The following CCT4 variants were observed in gnomAD, a reference collection of about 807,000 sequenced individuals.
CCT4 encodes the protein T-complex protein 1 subunit delta.
In CCT4, 17 loss-of-function variants were observed where a neutral mutation model predicts 62.5. The ratio of observed to expected loss-of-function variants is 0.27; its 90% CI spans 0.19 to 0.41. The LOEUF is 0.41. CCT4 is among the 10% of genes least tolerant of loss of function. The pLI is 1.00. For missense variants in CCT4, 592 were observed against 659.2 expected (o/e 0.90, Z 1.12); for synonymous variants, 250 against 229.9 (o/e 1.09, Z -0.79).
chr2:61,886,659 G>A (rs997675284), intron 1 of CCT4, among the ~76,000 whole-genome samples: 1 of 151,908 alleles, frequency 6.6e-6, no homozygotes, highest in Non-Finnish European at 1.5e-5. Context: ...CTCCTCTGTT[G>A]TTTCAGTTCT....
At position 61,876,967 on chromosome 2, in the gene CCT4, C is replaced by A; in HGVS notation, c.730G>T (p.Ala244Ser). 1 of 1,613,786 alleles carries A rather than the reference C, an allele frequency of 6.2e-7. No individual in the cohort carries two copies. The highest frequency in any genetic ancestry group is 2.2e-5 in the East Asian group (1 of 44,866). The change falls in exon 7 of 14, where the codon GCC becomes TCC. Residue 244 changes from alanine to serine, a missense_variant. This residue lies in a region of CCT4 where 522 missense variants were observed against 571.2 expected (regional missense o/e 0.91). Coordinates refer to ENST00000394440, the MANE Select transcript of CCT4 (RefSeq NM_006430.4). ...SNSGITRVEK[A>S]KIGLIQFCLS... Reference sequence around the variant, plus strand: ...CAAAACTGAATAAGCCCAATCTTGGCCTTTTCAACTCTGGTTATGCCAGAA... The same window carrying A: ...CAAAACTGAATAAGCCCAATCTTGGACTTTTCAACTCTGGTTATGCCAGAA...
intron 10 of CCT4, 124 bp downstream of exon 10, chr2:61,872,878 G>A: frequency 2.8e-6 from 2 of 711,276 alleles, no homozygotes; most frequent in Non-Finnish European, 2.5e-6. Flanking sequence ...AGTGAGCCAA[G>A]ATCATGCCAC....
In CCT4 at chr2:61,869,657, C is replaced by T. The variant is rs61675069; in HGVS notation, c.1492-104G>A. The T allele has an allele frequency of 6.4e-3, 2,908 of 452,704 alleles. 55 individuals are homozygous for T. The highest frequency in any genetic ancestry group is 0.05 in the African/African-American group (2,490 of 49,970). 28.0% of individuals were successfully genotyped at this position (452,704 alleles called of 1,614,324 possible). ...TCAAGACCTAAATCTAGTTTTCTTT[C>T]TGTCTAAGAAGATTAGAATATGATA... On this transcript the variant is annotated intron_variant, in intron 12 of 13. Transcript: ENST00000394440.
chr2:61,884,987 C>T, intron 2 of CCT4, 33 bp downstream of exon 2: 1 of 1,525,746 alleles, frequency 6.6e-7, no homozygotes, highest in Non-Finnish European at 8.9e-7. Context: ...CAGCAGTGCT[C>T]AATTAGTAGT....
intron 4 of CCT4, among the ~76,000 whole-genome samples, chr2:61,879,387 G>A (rs891213694): frequency 1.4e-5 from 2 of 144,550 alleles, no homozygotes; most frequent in African/African-American, 5.1e-5. Flanking sequence ...TCAGCCTCCT[G>A]AGTAGCTGGG....
chr2:61,887,704 G>A (rs1397429694), intron 1 of CCT4, among the ~76,000 whole-genome samples: 1 of 152,218 alleles, frequency 6.6e-6, no homozygotes, highest in Non-Finnish European at 1.5e-5. Context: ...AAGACATGAA[G>A]TAACGGAAGC....
At chr2:61,883,777 C>G (rs57275292) in intron 2 of CCT4, among the ~76,000 whole-genome samples, 7,352 of 28,932 alleles carry the variant, frequency 0.25, 450 homozygotes, top group East Asian at 0.53. Flanking sequence ...AATGTAGACA[C>G]ACACACACAC....
chr2:61,884,639 T>A (rs79089795), intron 2 of CCT4, among the ~76,000 whole-genome samples: 25,933 of 151,628 alleles, frequency 0.17, 2,649 homozygotes, highest in Middle Eastern at 0.29. Context: ...TTATTTATTT[T>A]TTTTTTGAGA....
rs527773727 is a variant in CCT4, at chr2:61,868,098, C to G, written c.*594G>C. 6.6e-6 allele frequency: 1 copy of G among 152,174 alleles called. No individual in the cohort carries two copies. The highest frequency in any genetic ancestry group is 2.4e-5 in the African/African-American group (1 of 41,374). 9.4% of individuals were successfully genotyped at this position (152,174 alleles called of 1,614,324 possible). A position where few individuals can be genotyped will look rare whatever the true frequency, so the allele number is the denominator to read the frequency against. The stretch of plus-strand genomic sequence containing the variant: ...TGGAACAAGACATTAGTTAAGAAAC[C>G]CTTTTGTTTAAGTAAGATTTGCTAC... On this transcript the variant is annotated 3_prime_UTR_variant, in exon 14 of 14. Coordinates refer to ENST00000394440, the MANE Select transcript of CCT4 (RefSeq NM_006430.4).
chr2:61,876,849 T>A, intron 7 of CCT4, 71 bp downstream of exon 7: 1 of 1,335,150 alleles, frequency 7.5e-7, no homozygotes, highest in South Asian at 1.4e-5. Context: ...ATTTTCTATT[T>A]TTAATAAAGA....
In CCT4 at chr2:61,869,409, C is replaced by A. The variant is rs140629724; in HGVS notation, c.1605+31G>T. 4.2e-4 allele frequency: 519 copies of A among 1,243,768 alleles called. 1 individual carries two copies. In the African/African-American group the frequency reaches 6.6e-3, roughly 16 times the overall value. 77.0% of individuals were successfully genotyped at this position (1,243,768 alleles called of 1,614,324 possible). A position where few individuals can be genotyped will look rare whatever the true frequency, so the allele number is the denominator to read the frequency against. The stretch of plus-strand genomic sequence containing the variant: ...AAAAAATATATGCCTTTTTGACCTC[C>A]TAAGAAAATTTGCAACCTGGAAACA... On this transcript the variant is annotated intron_variant, in intron 13 of 13. Coordinates refer to ENST00000394440, the MANE Select transcript of CCT4 (RefSeq NM_006430.4).
At chr2:61,888,274 A>G in intron 1 of CCT4, 107 bp downstream of exon 1, 2 of 1,351,180 alleles carry the variant, frequency 1.5e-6, no homozygotes, top group Non-Finnish European at 2.0e-6. Context: ...GGAGGACAAG[A>G]GAGGATCACC....
intron 1 of CCT4, among the ~76,000 whole-genome samples, chr2:61,887,176 A>G (rs1446661533): frequency 6.6e-6 from 1 of 152,200 alleles, no homozygotes; most frequent in Non-Finnish European, 1.5e-5. Context: ...TAAACTTACA[A>G]ATGACTCCTA....
At chr2:61,880,879 T>C (rs78454153) in intron 3 of CCT4, among the ~76,000 whole-genome samples, 1 of 151,912 alleles carries the variant, frequency 6.6e-6, no homozygotes, top group Non-Finnish European at 1.5e-5. Flanking sequence ...CTACTTTTTT[T>C]AAAAAGTCTT....
intron 3 of CCT4, 134 bp from the exon 4 acceptor site, chr2:61,880,528 T>G: frequency 1.6e-6 from 1 of 632,172 alleles, no homozygotes; most frequent in Non-Finnish European, 2.8e-6. Flanking sequence ...TCTGATTTGT[T>G]GTCTACCTTG....
chr2:61,879,662 A>T (rs1669072158), intron 4 of CCT4, among the ~76,000 whole-genome samples: 1 of 152,120 alleles, frequency 6.6e-6, no homozygotes, highest in Non-Finnish European at 1.5e-5. Flanking sequence ...ACCATTTACT[A>T]AAGCAAAGAC....
chr2:61,886,942 A>G (rs572673885), intron 1 of CCT4, among the ~76,000 whole-genome samples: 11 of 152,210 alleles, frequency 7.2e-5, no homozygotes, highest in Admixed American at 2.0e-4. Context: ...TATTTTTAGT[A>G]GAGACGGGGT....
At chr2:61,886,902 G>A (rs568439249) in intron 1 of CCT4, among the ~76,000 whole-genome samples, 1 of 152,170 alleles carries the variant, frequency 6.6e-6, no homozygotes, top group South Asian at 2.1e-4. Flanking sequence ...TGGGACTACA[G>A]GCCTACGCCA....
chr2:61,874,611 CAAA>C (rs770666364), intron 8 of CCT4, among the ~76,000 whole-genome samples: 2 of 123,814 alleles, frequency 1.6e-5, no homozygotes, highest in Admixed American at 1.7e-4. Flanking sequence ...ACTGTGTCTC[CAAA>C]AAAAAAAAAA....
Sources: allele counts gnomAD v4.1 joint callset (sites outside exome capture counted in the v4.1 genomes callset), GRCh38; gene constraint gnomAD v4.1.1; regional missense constraint gnomAD v4.1.1; transcripts MANE v1.5; gene names NCBI Gene and HGNC (gene_info 2026-07-23, HGNC 2026-07-21).